CSMD1: variants seen among roughly 807,000 people sequenced by gnomAD.
CSMD1 encodes the protein CUB and Sushi multiple domains 1.
Under a neutral mutation model 417.5 loss-of-function variants are expected in CSMD1, and 213 were observed. That is an observed-to-expected ratio of 0.51 (90% CI 0.46 to 0.57). The LOEUF (loss-of-function observed/expected upper bound fraction) is 0.57, where lower values mean the gene tolerates loss of function less well. Ranked by LOEUF, CSMD1 falls within the 20% of genes least tolerant of loss-of-function variation. CSMD1 has a pLI of 0.00. For synonymous variants in CSMD1, 2,862 were observed against 1,736.8 expected (o/e 1.65, Z -16.11); for missense variants, 6,923 against 4,529.7 (o/e 1.53, Z -15.17).
intron 1 of CSMD1, among the ~76,000 whole-genome samples, chr8:4,817,857 A>G (rs915089168): frequency 6.6e-6 from 1 of 152,222 alleles, no homozygotes; most frequent in African/African-American, 2.4e-5. Context: ...AATTGAAAAT[A>G]GTTAATGATA....
chr8:3,315,787 G>A (rs62504447), intron 23 of CSMD1, among the ~76,000 whole-genome samples: 20,658 of 152,108 alleles, frequency 0.14, 1,439 homozygotes, highest in African/African-American at 0.15. Flanking sequence ...TTTTGGAACT[G>A]TCTTATTTTT....
At chr8:3,341,162 C>T (rs1185011727) in intron 23 of CSMD1, among the ~76,000 whole-genome samples, 1 of 152,112 alleles carries the variant, frequency 6.6e-6, no homozygotes, top group Admixed American at 6.6e-5. Context: ...CAGGGCTGAG[C>T]CTCGCCCACT....
chr8:4,936,532 T>A (rs6982220), intron 1 of CSMD1, among the ~76,000 whole-genome samples: 1 of 152,190 alleles, frequency 6.6e-6, no homozygotes, highest in East Asian at 1.9e-4. Flanking sequence ...TGTACCTTCG[T>A]GAATAAATGT....
chr8:4,180,260 A>AG (rs1798285099), intron 3 of CSMD1, among the ~76,000 whole-genome samples: 1 of 152,114 alleles, frequency 6.6e-6, no homozygotes, highest in South Asian at 2.1e-4. Context: ...AAAAATGATG[A>AG]GTTCATGTCC....
chr8:3,317,914 G>A (rs138940154), intron 23 of CSMD1, among the ~76,000 whole-genome samples: 18 of 152,110 alleles, frequency 1.2e-4, no homozygotes, highest in East Asian at 1.9e-4. Context: ...AGGCTCAAGC[G>A]ATCCTCCCAC....
At chr8:4,242,596 C>G (rs1018073728) in intron 3 of CSMD1, among the ~76,000 whole-genome samples, 2 of 152,112 alleles carry the variant, frequency 1.3e-5, no homozygotes, top group African/African-American at 2.4e-5. Context: ...AATGTATCTA[C>G]AAATAAACCA....
chr8:3,845,134 A>C (rs1247251267), intron 5 of CSMD1, among the ~76,000 whole-genome samples: 11 of 152,252 alleles, frequency 7.2e-5, no homozygotes, highest in Non-Finnish European at 1.3e-4. Context: ...AAATCTGTAG[A>C]CATTGAATTG....
At chr8:3,566,939 G>T (rs919078246) in intron 10 of CSMD1, among the ~76,000 whole-genome samples, 2 of 152,176 alleles carry the variant, frequency 1.3e-5, no homozygotes, top group East Asian at 1.9e-4. Flanking sequence ...ATACCCAAAA[G>T]AATATAAATT....
At chr8:4,465,767 T>C (rs897670864) in intron 2 of CSMD1, among the ~76,000 whole-genome samples, 3 of 152,206 alleles carry the variant, frequency 2.0e-5, no homozygotes, top group Admixed American at 6.5e-5. Context: ...TATTATTTTC[T>C]CACCTCTGAG....
intron 8 of CSMD1, among the ~76,000 whole-genome samples, chr8:3,595,701 T>C (rs1801057974): frequency 6.6e-6 from 1 of 152,170 alleles, no homozygotes; most frequent in Admixed American, 6.5e-5. Flanking sequence ...AATTTTTGTG[T>C]GAGGGAATTT....
intron 7 of CSMD1, among the ~76,000 whole-genome samples, chr8:3,632,435 T>C (rs1796832079): frequency 6.6e-6 from 1 of 152,112 alleles, no homozygotes; most frequent in Non-Finnish European, 1.5e-5. Flanking sequence ...GGAGATTATT[T>C]TTTAATGAGA....
At chr8:3,779,180 TG>T (rs1174088971) in intron 5 of CSMD1, among the ~76,000 whole-genome samples, 3 of 151,732 alleles carry the variant, frequency 2.0e-5, no homozygotes, top group African/African-American at 7.3e-5. Flanking sequence ...TGTGTGTGTG[TG>T]TGTATGTGCA....
intron 3 of CSMD1, among the ~76,000 whole-genome samples, chr8:4,092,371 G>C (rs1307271156): frequency 6.6e-6 from 1 of 152,106 alleles, no homozygotes; most frequent in Non-Finnish European, 1.5e-5. Flanking sequence ...CAGCCACCAG[G>C]GCTGCTGTGC....
intron 3 of CSMD1, among the ~76,000 whole-genome samples, chr8:4,163,462 G>A (rs1349565245): frequency 6.6e-6 from 1 of 152,114 alleles, no homozygotes; most frequent in Admixed American, 6.5e-5. Flanking sequence ...ATTTTAATGT[G>A]TGAGTTACTT....
chr8:3,960,244 C>G (rs545098003), intron 5 of CSMD1, among the ~76,000 whole-genome samples: 105 of 152,304 alleles, frequency 6.9e-4, no homozygotes, highest in African/African-American at 2.5e-3. Context: ...CCTCTCCTCA[C>G]ATTCTGGAAA....
chr8:3,574,961 G>A lies in CSMD1; in HGVS notation c.1328C>T (p.Thr443Ile), dbSNP rs772091436. 4 of 1,612,372 alleles carry A rather than the reference G, an allele frequency of 2.5e-6. No homozygotes were observed. The Admixed American group carries it at 6.7e-5, about 27-fold the overall frequency. ...GAGCCTTACCTTGTCCGGGTCGGTG[G>A]TGGTGATGACCCACACACAGTGTGC... ...DNAHCVWVITTTDPDKVIKLA... is the reference protein window; with the variant it reads ...DNAHCVWVITITDPDKVIKLA... The change falls in exon 10 of 70, where the codon ACC (threonine) becomes ATC (isoleucine). Residue 443 changes from threonine to isoleucine, a missense_variant. By Grantham distance (89) the Thr-to-Ile change is moderately conservative. Transcript: ENST00000635120.
At chr8:2,958,250 G>A (rs1156484522) in intron 62 of CSMD1, among the ~76,000 whole-genome samples, 1 of 152,124 alleles carries the variant, frequency 6.6e-6, no homozygotes, top group Non-Finnish European at 1.5e-5. Context: ...TCTTTCTGAT[G>A]CTTCAAACTG....
chr8:4,436,384 C>A (rs747344675), intron 2 of CSMD1, among the ~76,000 whole-genome samples: 3 of 152,032 alleles, frequency 2.0e-5, no homozygotes, highest in Non-Finnish European at 4.4e-5. Flanking sequence ...ATCAAACGTG[C>A]TTAAGTCTGT....
intron 7 of CSMD1, among the ~76,000 whole-genome samples, chr8:3,654,571 G>T (rs1423202362): frequency 6.6e-6 from 1 of 152,146 alleles, no homozygotes. Context: ...TTTAGGAGAA[G>T]AAAAAATTGT....
Sources: gnomAD v4.1 joint callset for allele counts (sites outside exome capture counted in the v4.1 genomes callset) on GRCh38, gnomAD v4.1.1 for gene constraint, MANE v1.5 for transcripts, NCBI Gene and HGNC (gene_info 2026-07-23, HGNC 2026-07-21) for gene names.